The following RASSF3 variants were observed in gnomAD, a reference collection of about 807,000 sequenced individuals.
RASSF3 encodes the protein ras association domain-containing protein 3.
Under a neutral mutation model 19.9 loss-of-function variants are expected in RASSF3, and 19 were observed. The ratio of observed to expected loss-of-function variants is 0.96; its 90% CI spans 0.67 to 1.40. The LOEUF (loss-of-function observed/expected upper bound fraction) is 1.40, where lower values mean the gene tolerates loss of function less well. Ranked by LOEUF, RASSF3 falls within the 40% of genes most tolerant of loss-of-function variation. The pLI is 0.00. For missense variants in RASSF3, 306 were observed against 289.8 expected (o/e 1.06, Z -0.41); for synonymous variants, 110 against 104.2 (o/e 1.06, Z -0.34).
intron 1 of RASSF3, among the ~76,000 whole-genome samples, chr12:64,612,881 T>C (rs886934484): frequency 6.6e-6 from 1 of 152,240 alleles, no homozygotes; most frequent in African/African-American, 2.4e-5. Context: ...AACATTAATA[T>C]GTATTTTGAA....
chr12:64,549,864 A>T (rs1282545894), intron 2 of RASSF3, among the ~76,000 whole-genome samples: 1 of 152,154 alleles, frequency 6.6e-6, no homozygotes, highest in African/African-American at 2.4e-5. Context: ...GTTTTTGAGC[A>T]CTCCTTGCAC....
At chr12:64,520,408 G>T (rs112588264) in intron 1 of RASSF3, among the ~76,000 whole-genome samples, 5,450 of 151,544 alleles carry the variant, frequency 0.036, 296 homozygotes, top group African/African-American at 0.12. Context: ...TGATCCGCCC[G>T]CCTCGGCCTC....
chr12:64,516,777 A>G (rs1868373988), intron 1 of RASSF3, among the ~76,000 whole-genome samples: 1 of 152,016 alleles, frequency 6.6e-6, no homozygotes, highest in African/African-American at 2.4e-5. Context: ...AGGCGGGTGG[A>G]TCATCTGAGG....
intron 1 of RASSF3, among the ~76,000 whole-genome samples, chr12:64,682,634 G>A (rs995604919): frequency 1.3e-5 from 2 of 150,624 alleles, no homozygotes; most frequent in African/African-American, 2.4e-5. Flanking sequence ...AGGGTCTAAA[G>A]TCAAAGATCT....
intron 1 of RASSF3, among the ~76,000 whole-genome samples, chr12:64,664,530 C>T (rs889477728): frequency 6.6e-6 from 1 of 152,148 alleles, no homozygotes; most frequent in African/African-American, 2.4e-5. Flanking sequence ...TTAAGTCAAC[C>T]AGTTCTCCTT....
At chr12:64,617,698 C>T (rs559352792) in intron 1 of RASSF3, among the ~76,000 whole-genome samples, 2 of 152,294 alleles carry the variant, frequency 1.3e-5, no homozygotes, top group African/African-American at 4.8e-5. Context: ...GCTGGGATTA[C>T]AGGTGCGTGC....
intron 1 of RASSF3, among the ~76,000 whole-genome samples, chr12:64,612,180 T>C (rs973565625): frequency 6.6e-6 from 1 of 152,196 alleles, no homozygotes; most frequent in South Asian, 2.1e-4. Flanking sequence ...TGCATTTGCT[T>C]ATGCTTTTTC....
At chr12:64,637,948 C>T (rs965671875) in intron 1 of RASSF3, among the ~76,000 whole-genome samples, 22 of 151,962 alleles carry the variant, frequency 1.4e-4, no homozygotes, top group African/African-American at 5.1e-4. Context: ...TCTCCTGCCT[C>T]AGCCTCCGGA....
chr12:64,561,086 G>A (rs992268459), intron 2 of RASSF3, among the ~76,000 whole-genome samples: 9 of 152,202 alleles, frequency 5.9e-5, no homozygotes, highest in Middle Eastern at 3.2e-3. Context: ...TAGAAAGGGC[G>A]TTCTGTAAAT....
intron 2 of RASSF3, among the ~76,000 whole-genome samples, chr12:64,565,065 G>A (rs370075568): frequency 4.2e-4 from 64 of 151,406 alleles, no homozygotes; most frequent in African/African-American, 1.5e-3. Context: ...ACAGGTGTGA[G>A]CCACCACACC....
rs559649823 is a variant in RASSF3 at position 64,509,876 on chromosome 12, C to G, written c.169+2547C>G. ...CCAAGGCGGGCGGATCGCTTGAGGT[C>G]AGGAGTTCAAGACCAGCCTGGCCAC... On this transcript the variant is annotated intron_variant, in intron 1 of 5. Coordinates refer to the RASSF3 transcript ENST00000637125. Among the ~76,000 whole-genome samples, 145 of 152,206 alleles carry G rather than the reference C, an allele frequency of 9.5e-4. 1 individual carries two copies. Among genetic ancestry groups the G allele is most frequent in the Non-Finnish European group, 1.6e-3 (112 of 67,996 alleles).
chr12:64,514,000 C>G (rs1020460432), intron 1 of RASSF3, among the ~76,000 whole-genome samples: 2 of 151,144 alleles, frequency 1.3e-5, no homozygotes, highest in African/African-American at 2.4e-5. Flanking sequence ...CTGCCTCATC[C>G]TCCTGAGTAG....
intron 1 of RASSF3, among the ~76,000 whole-genome samples, chr12:64,517,594 T>C (rs1868389652): frequency 6.6e-6 from 1 of 151,394 alleles, no homozygotes; most frequent in Non-Finnish European, 1.5e-5. Context: ...AAAGTAGGTA[T>C]ACTGTACATA....
At chr12:64,664,277 A>AT (rs1376296617) in intron 1 of RASSF3, among the ~76,000 whole-genome samples, 1 of 152,216 alleles carries the variant, frequency 6.6e-6, no homozygotes, top group Non-Finnish European at 1.5e-5. Flanking sequence ...ATGAAAAATC[A>AT]TAATAGAAAT....
At chr12:64,566,484 A>G (rs1392753468) in intron 2 of RASSF3, among the ~76,000 whole-genome samples, 1 of 152,214 alleles carries the variant, frequency 6.6e-6, no homozygotes. Flanking sequence ...AAGTATATCA[A>G]ACAGACCTGG....
chr12:64,687,795 T>A (rs1873416085), intron 2 of RASSF3, among the ~76,000 whole-genome samples: 1 of 152,190 alleles, frequency 6.6e-6, no homozygotes, highest in South Asian at 2.1e-4. Context: ...TGTATAATAG[T>A]CACCAGTTGA....
At chr12:64,675,049 C>A (rs1872837673) in intron 1 of RASSF3, among the ~76,000 whole-genome samples, 2 of 115,594 alleles carry the variant, frequency 1.7e-5, no homozygotes, top group African/African-American at 3.4e-5. Context: ...CACCTAGCCC[C>A]CCCCCCCCCC....
chr12:64,538,652 A>C (rs181785377), intron 1 of RASSF3, among the ~76,000 whole-genome samples: 7,676 of 145,672 alleles, frequency 0.053, 595 homozygotes, highest in African/African-American at 0.19. Flanking sequence ...AAAACACACA[A>C]AAAAAAACAC....
intron 1 of RASSF3, among the ~76,000 whole-genome samples, chr12:64,518,399 T>C (rs1463989474): frequency 1.3e-5 from 2 of 152,282 alleles, no homozygotes; most frequent in East Asian, 3.9e-4. Context: ...AAGCTTCCAG[T>C]CATGGTGGAA....
Sources: gnomAD v4.1 joint callset for allele counts (sites outside exome capture counted in the v4.1 genomes callset) on GRCh38, gnomAD v4.1.1 for gene constraint, MANE v1.5 for transcripts, NCBI Gene and HGNC (gene_info 2026-07-23, HGNC 2026-07-21) for gene names.